The following CSMD1 variants were observed in gnomAD, a reference collection of about 807,000 sequenced individuals.
CSMD1 encodes the protein CUB and sushi domain-containing protein 1.
A neutral mutation model predicts 417.5 loss-of-function variants in CSMD1; 213 were observed. The observed-to-expected ratio is 0.51, with a 90% CI of 0.46 to 0.57. The LOEUF (loss-of-function observed/expected upper bound fraction) is 0.57, where lower values mean the gene tolerates loss of function less well. Ranked by LOEUF, CSMD1 falls within the 20% of genes least tolerant of loss-of-function variation. The pLI, the probability that CSMD1 is intolerant of heterozygous loss-of-function variation, is 0.00. For missense variants in CSMD1, 6,923 were observed against 4,529.7 expected (o/e 1.53, Z -15.17); for synonymous variants, 2,862 against 1,736.8 (o/e 1.65, Z -16.11).
At chr8:3,313,759 C>A (rs1805540769) in intron 23 of CSMD1, among the ~76,000 whole-genome samples, 2 of 152,154 alleles carry the variant, frequency 1.3e-5, no homozygotes. Flanking sequence ...ACCCAGCCAT[C>A]CCATTACTGG....
In CSMD1 at chr8:4,419,954, T is replaced by G. The variant is rs1329760457; in HGVS notation, c.414A>C (p.Glu138Asp). The G allele has an allele frequency of 1.9e-6, 3 of 1,562,992 alleles. No homozygotes were observed. In the African/African-American group the frequency reaches 4.1e-5, roughly 21 times the overall value. ...VSAQGFKALY[E>D]VLPSHTCGNP... is the part of the protein sequence containing the mutation. ...TGCAAAACACAACCAATCTCCTACC[T>G]TCATATAATGCTTTGAAACCTTGGG... is the stretch of plus-strand genomic sequence containing the variant. Residue 138 changes from glutamate (E) to aspartate (D), a missense_variant and splice_region_variant, in exon 3 of 70, where the codon GAA (glutamate) becomes GAC (aspartate). Coordinates refer to ENST00000635120, the MANE Select transcript of CSMD1 (RefSeq NM_033225.6).
intron 3 of CSMD1, among the ~76,000 whole-genome samples, chr8:4,265,138 G>C (rs1381464163): frequency 6.6e-6 from 1 of 152,080 alleles, no homozygotes; most frequent in Non-Finnish European, 1.5e-5. Flanking sequence ...AACTTAATTT[G>C]ACCTCGACTA....
intron 1 of CSMD1, among the ~76,000 whole-genome samples, chr8:4,651,709 T>C (rs1158557086): frequency 2.0e-5 from 3 of 152,208 alleles, no homozygotes; most frequent in Non-Finnish European, 4.4e-5. Flanking sequence ...TATTTCAACA[T>C]GACACTCTAA....
chr8:3,015,065 T>A (rs1808720750), intron 52 of CSMD1, among the ~76,000 whole-genome samples: 2 of 150,662 alleles, frequency 1.3e-5, no homozygotes, highest in African/African-American at 4.9e-5. Flanking sequence ...TCCATAAAAA[T>A]TAAAATTAAA....
intron 5 of CSMD1, among the ~76,000 whole-genome samples, chr8:3,992,091 A>G (rs1814792693): frequency 7.2e-6 from 1 of 138,138 alleles, no homozygotes; most frequent in Non-Finnish European, 1.6e-5. Context: ...GCTGGTATGC[A>G]GAGTATCAAG....
At chr8:4,017,632 T>C (rs1563323041) in intron 4 of CSMD1, among the ~76,000 whole-genome samples, 2 of 152,284 alleles carry the variant, frequency 1.3e-5, no homozygotes, top group South Asian at 4.1e-4. Flanking sequence ...CTCTAAATTG[T>C]GTAGAAAATA....
intron 23 of CSMD1, among the ~76,000 whole-genome samples, chr8:3,334,704 G>A (rs911835433): frequency 1.3e-5 from 2 of 152,232 alleles, no homozygotes; most frequent in African/African-American, 4.8e-5. Context: ...GCAAACGGCT[G>A]CAAATGGATG....
intron 5 of CSMD1, among the ~76,000 whole-genome samples, chr8:3,955,795 A>G (rs1811900343): frequency 1.3e-5 from 2 of 152,188 alleles, no homozygotes; most frequent in South Asian, 2.1e-4. Context: ...TTAGAAATCA[A>G]TCATATCTCT....
intron 1 of CSMD1, among the ~76,000 whole-genome samples, chr8:4,923,715 T>C (rs141425491): frequency 1.5e-3 from 225 of 152,246 alleles, no homozygotes; most frequent in Non-Finnish European, 2.5e-3. Flanking sequence ...GCTTGGGAGT[T>C]AGCATGATTA....
At chr8:4,345,546 T>C (rs117045517) in intron 3 of CSMD1, among the ~76,000 whole-genome samples, 3,394 of 152,154 alleles carry the variant, frequency 0.022, 56 homozygotes, top group Middle Eastern at 0.041. Flanking sequence ...GGGAAATATA[T>C]GCAAATCACT....
intron 1 of CSMD1, among the ~76,000 whole-genome samples, chr8:4,736,821 C>T (rs1810276876): frequency 6.6e-6 from 1 of 152,188 alleles, no homozygotes; most frequent in Non-Finnish European, 1.5e-5. Flanking sequence ...CCCCACTGTG[C>T]TGTCTGATTT....
At chr8:4,828,005 A>C (rs1325158500) in intron 1 of CSMD1, among the ~76,000 whole-genome samples, 1 of 152,190 alleles carries the variant, frequency 6.6e-6, no homozygotes, top group East Asian at 1.9e-4. Flanking sequence ...TATAATGCAA[A>C]ATGCATGTTA....
intron 1 of CSMD1, among the ~76,000 whole-genome samples, chr8:4,667,327 G>A (rs1805003259): frequency 6.6e-6 from 1 of 151,734 alleles, no homozygotes; most frequent in East Asian, 1.9e-4. Context: ...AATTGTCTTG[G>A]CCATTCTAGA....
At chr8:4,603,542 A>G (rs565445874) in intron 2 of CSMD1, among the ~76,000 whole-genome samples, 13 of 152,268 alleles carry the variant, frequency 8.5e-5, no homozygotes, top group South Asian at 4.1e-4. Context: ...AAAAGGAAAG[A>G]AAACCAGAAC....
chr8:3,093,689 G>T (rs987287290), intron 47 of CSMD1, among the ~76,000 whole-genome samples: 26 of 151,728 alleles, frequency 1.7e-4, no homozygotes, highest in African/African-American at 5.8e-4. Flanking sequence ...AAATTCTGTT[G>T]AAGCCACTCA....
At chr8:4,146,685 C>G (rs750373501) in intron 3 of CSMD1, among the ~76,000 whole-genome samples, 1 of 130,834 alleles carries the variant, frequency 7.6e-6, no homozygotes, top group Non-Finnish European at 1.5e-5. Flanking sequence ...GATCTGGACT[C>G]ACTGCAAGCT....
chr8:3,495,011 C>T lies in CSMD1; in HGVS notation c.1345-1285G>A, dbSNP rs1585250921. On this transcript the variant is annotated intron_variant, in intron 10 of 69. Coordinates refer to ENST00000635120, the MANE Select transcript of CSMD1 (RefSeq NM_033225.6). ...GCCAAAAAGGAATACATTACATTTGCTACTTGAAATTCTTACTAAAATTAT... is the reference window on the plus strand; with the variant it reads ...GCCAAAAAGGAATACATTACATTTGTTACTTGAAATTCTTACTAAAATTAT... Among the ~76,000 whole-genome samples, 5 of 152,226 alleles carry T rather than the reference C, an allele frequency of 3.3e-5. No homozygotes were observed. The South Asian group carries it at 1.0e-3, about 32-fold the overall frequency.
chr8:3,751,661 C>T (rs1303409901), intron 6 of CSMD1, among the ~76,000 whole-genome samples: 4 of 151,570 alleles, frequency 2.6e-5, no homozygotes, highest in Non-Finnish European at 5.9e-5. Flanking sequence ...TTAAAATCAA[C>T]GTCTGATACA....
At chr8:3,468,677 A>T (rs780630444) in intron 12 of CSMD1, 35 bp downstream of exon 12, 1 of 1,390,332 alleles carries the variant, frequency 7.2e-7, no homozygotes, top group African/African-American at 1.4e-5. Flanking sequence ...TTGGAATGCT[A>T]ACTTCCAACC....
Sources: gnomAD v4.1 joint callset for allele counts (sites outside exome capture counted in the v4.1 genomes callset) on GRCh38, gnomAD v4.1.1 for gene constraint, MANE v1.5 for transcripts, NCBI Gene and HGNC (gene_info 2026-07-23, HGNC 2026-07-21) for gene names.